SNAP91: variants seen among roughly 807,000 people sequenced by gnomAD.
SNAP91 encodes clathrin coat assembly protein AP180.
In SNAP91, 27 loss-of-function variants were observed where a neutral mutation model predicts 100.3. The observed-to-expected ratio is 0.27, with a 90% CI of 0.20 to 0.37. SNAP91 has a LOEUF of 0.37. Ranked by LOEUF, SNAP91 falls within the 10% of genes least tolerant of loss-of-function variation. SNAP91 has a pLI of 1.00. For missense variants in SNAP91, 986 were observed against 1,123.7 expected, an observed-to-expected ratio of 0.88 and a Z score of 1.75; for synonymous variants, 404 against 398.6, an observed-to-expected ratio of 1.01 and a Z score of -0.16.
chr6:83,567,281 C>T (rs2127978482), intron 26 of SNAP91, among the ~76,000 whole-genome samples: 1 of 152,252 alleles, frequency 6.6e-6, no homozygotes, highest in South Asian at 2.1e-4. Context: ...AGTGATCTTC[C>T]TGCAAAATGC....
intron 26 of SNAP91, among the ~76,000 whole-genome samples, chr6:83,564,255 C>A (rs138154558): frequency 6.6e-6 from 1 of 151,662 alleles, no homozygotes; most frequent in Non-Finnish European, 1.5e-5. Context: ...ATATGTCAGA[C>A]GGTCAATTAA....
At chr6:83,593,846 TA>T in intron 17 of SNAP91, 105 bp from the exon 18 acceptor site, 13 of 1,440,714 alleles carry the variant, frequency 9.0e-6, no homozygotes, top group Non-Finnish European at 1.2e-5. Context: ...ATTTACACAC[TA>T]GCTAGGTGTG....
chr6:83,690,518 C>T (rs1439885446), intron 2 of SNAP91: 5 of 790,122 alleles, frequency 6.3e-6, no homozygotes, highest in South Asian at 1.6e-5. Flanking sequence ...ATTGAACAAG[C>T]GTTTTGTTTG....
intron 26 of SNAP91, among the ~76,000 whole-genome samples, chr6:83,570,494 G>C (rs1395437728): frequency 6.7e-6 from 1 of 150,242 alleles, no homozygotes; most frequent in African/African-American, 2.5e-5. Context: ...AATGTCTCCA[G>C]GACACGTCAG....
intron 3 of SNAP91, among the ~76,000 whole-genome samples, chr6:83,664,143 A>G (rs572061430): frequency 6.6e-6 from 1 of 152,124 alleles, no homozygotes; most frequent in Non-Finnish European, 1.5e-5. Context: ...ATTGACATGC[A>G]CCTTGTCACC....
At chr6:83,641,259 T>A in intron 7 of SNAP91, 57 bp from the exon 8 acceptor site, 2 of 765,066 alleles carry the variant, frequency 2.6e-6, no homozygotes, top group Non-Finnish European at 4.0e-6. Flanking sequence ...TATTTTTTTC[T>A]AAGCTTATGT....
chr6:83,677,554 T>A (rs528372209), intron 2 of SNAP91, among the ~76,000 whole-genome samples: 5 of 152,118 alleles, frequency 3.3e-5, no homozygotes, highest in Non-Finnish European at 7.4e-5. Context: ...TGTCAATCCT[T>A]AGGGTAGTAG....
upstream of SNAP91, chr6:83,709,288 GGCGGGGAGAAGAAGGA>G (rs2099422083): frequency 6.6e-6 from 1 of 152,258 alleles, no homozygotes; most frequent in Non-Finnish European, 1.5e-5. Flanking sequence ...CCGGCAAGCC[GGCGGGGAGAAGAAGGA>G]GGCGGGGAGG....
At chr6:83,697,062 A>G (rs1027322005) in intron 2 of SNAP91, among the ~76,000 whole-genome samples, 2 of 152,126 alleles carry the variant, frequency 1.3e-5, no homozygotes, top group South Asian at 2.1e-4. Flanking sequence ...CCTAAGTTTT[A>G]GGTTAATCTT....
chr6:83,569,055 G>A (rs1801911183), intron 26 of SNAP91, among the ~76,000 whole-genome samples: 1 of 151,894 alleles, frequency 6.6e-6, no homozygotes, highest in Non-Finnish European at 1.5e-5. Flanking sequence ...AGCTTTGTTA[G>A]GAAAGAACAG....
chr6:83,680,237 A>T (rs2098969603), intron 2 of SNAP91, among the ~76,000 whole-genome samples: 1 of 152,198 alleles, frequency 6.6e-6, no homozygotes, highest in Non-Finnish European at 1.5e-5. Context: ...TACCCAACTC[A>T]GTAACCATAG....
chr6:83,635,346 T>G (rs2097389608), intron 8 of SNAP91, among the ~76,000 whole-genome samples: 2 of 152,222 alleles, frequency 1.3e-5, no homozygotes, highest in African/African-American at 4.8e-5. Flanking sequence ...ATATTTAGGA[T>G]AGTTAAGTCT....
intron 9 of SNAP91, among the ~76,000 whole-genome samples, chr6:83,618,864 AT>A (rs201203386): frequency 1.3e-5 from 2 of 151,970 alleles, no homozygotes; most frequent in East Asian, 1.9e-4. Flanking sequence ...AGAAAGGGTG[AT>A]TTTTTTGGCT....
chr6:83,619,516 C>T (rs2096629793), intron 9 of SNAP91, among the ~76,000 whole-genome samples: 1 of 152,084 alleles, frequency 6.6e-6, no homozygotes, highest in Non-Finnish European at 1.5e-5. Context: ...TCTTTAGTTG[C>T]TTGTTTTTAA....
intron 10 of SNAP91, among the ~76,000 whole-genome samples, chr6:83,616,272 C>G (rs1402808994): frequency 6.6e-6 from 1 of 151,734 alleles, no homozygotes; most frequent in Non-Finnish European, 1.5e-5. Flanking sequence ...CTGAAAAAGG[C>G]ACAAAGATTG....
chr6:83,659,171 TC>T, intron 5 of SNAP91, 79 bp from the exon 6 acceptor site: 2 of 1,054,816 alleles, frequency 1.9e-6, no homozygotes. Flanking sequence ...TCTAAGCTGT[TC>T]CCCCACACCA....
chr6:83,570,555 G>GA (rs386703302), intron 26 of SNAP91, among the ~76,000 whole-genome samples: 1 of 136,100 alleles, frequency 7.3e-6, no homozygotes, highest in African/African-American at 2.9e-5. Flanking sequence ...TTACGGGGTG[G>GA]CGGGGGGGGA....
At chr6:83,678,639 T>G in intron 2 of SNAP91, 1 of 783,396 alleles carries the variant, frequency 1.3e-6, no homozygotes, top group Non-Finnish European at 1.9e-6. Flanking sequence ...TCTCTCAAAT[T>G]CTTTTCTATT....
At chr6:83,606,933 TA>T (rs1305668105) in intron 13 of SNAP91, among the ~76,000 whole-genome samples, 2 of 152,164 alleles carry the variant, frequency 1.3e-5, no homozygotes, top group Non-Finnish European at 2.9e-5. Flanking sequence ...TTTGCTATTA[TA>T]AAATGCAGAA....
Sources: allele counts gnomAD v4.1 joint callset (sites outside exome capture counted in the v4.1 genomes callset), GRCh38; gene constraint gnomAD v4.1.1; transcripts MANE v1.5; gene names NCBI Gene and HGNC (gene_info 2026-07-23, HGNC 2026-07-21).